Variants in PPME1 observed in about 807,000 individuals in gnomAD.
The protein encoded by PPME1 is testicular secretory protein Li 39.
Under a neutral mutation model 56.9 loss-of-function variants are expected in PPME1, and 17 were observed. The ratio of observed to expected loss-of-function variants is 0.30; its 90% CI spans 0.20 to 0.45. PPME1 has a LOEUF of 0.45. PPME1 is among the 20% of genes least tolerant of loss of function. The probability of loss-of-function intolerance (pLI) is 1.00; values close to 1 mark genes in which losing one functional copy is unlikely to be tolerated. For synonymous variants in PPME1, 122 were observed against 156.2 expected (o/e 0.78, Z 1.63); for missense variants, 357 against 483.2 (o/e 0.74, Z 2.45).
intron 3 of PPME1, among the ~76,000 whole-genome samples, chr11:74,215,364 A>G (rs1183685838): frequency 6.6e-6 from 1 of 152,164 alleles, no homozygotes; most frequent in Non-Finnish European, 1.5e-5. Flanking sequence ...TAGAGACAAC[A>G]AAAATTAAAA....
intron 1 of PPME1, among the ~76,000 whole-genome samples, chr11:74,172,681 A>C (rs567846062): frequency 6.6e-6 from 1 of 152,194 alleles, no homozygotes; most frequent in Non-Finnish European, 1.5e-5. Context: ...AGAGAATTGA[A>C]TAGGCATTTG....
At chr11:74,225,358 TACC>T (rs1159278807) in intron 5 of PPME1, 102 bp downstream of exon 5, 1 of 855,338 alleles carries the variant, frequency 1.2e-6, no homozygotes, top group African/African-American at 1.7e-5. Context: ...GGGGAATAAT[TACC>T]ACAAGGAAAA....
intron 1 of PPME1, among the ~76,000 whole-genome samples, chr11:74,189,724 G>A (rs2135601338): frequency 6.6e-6 from 1 of 152,264 alleles, no homozygotes; most frequent in South Asian, 2.1e-4. Context: ...AGTGTATTCA[G>A]CCAGTCTCCT....
intron 1 of PPME1, among the ~76,000 whole-genome samples, chr11:74,178,307 A>G (rs1857448723): frequency 6.6e-6 from 1 of 152,192 alleles, no homozygotes; most frequent in Admixed American, 6.5e-5. Flanking sequence ...AAGCTCCCCA[A>G]CAGATTTTTC....
intron 3 of PPME1, among the ~76,000 whole-genome samples, chr11:74,219,886 T>C (rs1858752321): frequency 6.6e-6 from 1 of 152,098 alleles, no homozygotes; most frequent in Admixed American, 6.6e-5. Context: ...ACTGTGTATT[T>C]TAAAATAGCT....
chr11:74,235,141 A>C lies in PPME1; in HGVS notation c.645-760A>C, dbSNP rs542332652. Among the ~76,000 whole-genome samples the C allele has an allele frequency of 3.3e-5, 5 of 152,290 alleles. No individual in the cohort carries two copies. The South Asian group carries it at 1.0e-3, about 32-fold the overall frequency. Reference sequence around the variant, plus strand: ...TTTTGAATGATTTTTTAAACTAAGAAATGAGATTTAAAGAAGTGCTTTCTC... The same window carrying C: ...TTTTGAATGATTTTTTAAACTAAGACATGAGATTTAAAGAAGTGCTTTCTC... On this transcript the variant is annotated intron_variant, in intron 7 of 13. Coordinates refer to ENST00000328257, the MANE Select transcript of PPME1 (RefSeq NM_016147.3).
Position 74,201,692 on chromosome 11 carries a change from T to C in PPME1, c.102-2036T>C, listed in dbSNP as rs530390081. 2.6e-5 allele frequency among the ~76,000 whole-genome samples: 4 copies of C among 152,340 alleles called. No homozygotes were observed. In the East Asian group the frequency reaches 7.7e-4, roughly 29 times the overall value. On this transcript the variant is annotated intron_variant, in intron 1 of 13. Transcript: ENST00000328257. ...CATAAAAAGTTTTGTGAGGGTTAAA[T>C]GGAATCACGTCTGTGAAGTATTTGG...
chr11:74,215,857 T>G (rs953561756), intron 3 of PPME1, among the ~76,000 whole-genome samples: 3 of 152,160 alleles, frequency 2.0e-5, no homozygotes, highest in Admixed American at 2.0e-4. Context: ...AGTAGCTATA[T>G]GTATATCAGA....
rs572238146 is a variant in PPME1 at position 74,231,382 on chromosome 11, G to A, written c.644+380G>A. Among the ~76,000 whole-genome samples the A allele has an allele frequency of 4.6e-5, 7 of 152,358 alleles. No individual in the cohort carries two copies. In the South Asian group the frequency reaches 6.2e-4, roughly 14 times the overall value. On this transcript the variant is annotated intron_variant, in intron 7 of 13. Transcript: ENST00000328257. ...CCTCCCAAAGTGTTGGGGTTGTGGC[G>A]TGAGCCACAGTGCCCAGCCACTGTT... is the stretch of plus-strand genomic sequence containing the variant.
At chr11:74,185,316 C>G (rs1472263151) in intron 1 of PPME1, among the ~76,000 whole-genome samples, 1 of 152,068 alleles carries the variant, frequency 6.6e-6, no homozygotes, top group Non-Finnish European at 1.5e-5. Flanking sequence ...GTCTTTTATT[C>G]TAGATCATCA....
chr11:74,226,922 G>A (rs1344832026), intron 5 of PPME1, among the ~76,000 whole-genome samples: 1 of 152,210 alleles, frequency 6.6e-6, no homozygotes, highest in Non-Finnish European at 1.5e-5. Flanking sequence ...CCCTTGGGCT[G>A]AGGGAGTACA....
intron 13 of PPME1, among the ~76,000 whole-genome samples, chr11:74,252,103 CTT>C (rs60650207): frequency 2.7e-4 from 32 of 116,990 alleles, no homozygotes; most frequent in South Asian, 8.2e-4. Flanking sequence ...TGGAGCAGGG[CTT>C]TTTTTTTTTT....
At chr11:74,184,342 T>C (rs925576318) in intron 1 of PPME1, among the ~76,000 whole-genome samples, 9 of 152,198 alleles carry the variant, frequency 5.9e-5, no homozygotes, top group African/African-American at 2.2e-4. Flanking sequence ...TTTTAGCATA[T>C]TATGGATAAG....
At chr11:74,220,580 T>A in intron 3 of PPME1, among the ~76,000 whole-genome samples, 1 of 152,220 alleles carries the variant, frequency 6.6e-6, no homozygotes, top group East Asian at 1.9e-4. Flanking sequence ...TTAATCTCTC[T>A]GTAAAATGCC....
At chr11:74,179,948 A>G (rs1389478995) in intron 1 of PPME1, among the ~76,000 whole-genome samples, 1 of 152,170 alleles carries the variant, frequency 6.6e-6, no homozygotes, top group African/African-American at 2.4e-5. Flanking sequence ...AATTTGTGAC[A>G]ACAAGTGATT....
chr11:74,242,634 G>A (rs927514321), intron 9 of PPME1, among the ~76,000 whole-genome samples: 7 of 151,770 alleles, frequency 4.6e-5, no homozygotes, highest in Non-Finnish European at 8.8e-5. Context: ...TAATCTCAGC[G>A]CTTTGGGAGG....
chr11:74,182,990 C>A (rs1223368425), intron 1 of PPME1, among the ~76,000 whole-genome samples: 1 of 119,866 alleles, frequency 8.3e-6, no homozygotes, highest in Non-Finnish European at 1.9e-5. Flanking sequence ...GACCTTGTCT[C>A]TACCAAAAAA....
chr11:74,208,090 G>A (rs545083647), intron 3 of PPME1, among the ~76,000 whole-genome samples: 27 of 152,256 alleles, frequency 1.8e-4, no homozygotes, highest in Non-Finnish European at 3.5e-4. Context: ...GAAGCGGGCA[G>A]ATCACAAGGT....
intron 1 of PPME1, among the ~76,000 whole-genome samples, chr11:74,176,811 A>G (rs1591010672): frequency 6.8e-6 from 1 of 147,130 alleles, no homozygotes; most frequent in South Asian, 2.2e-4. Flanking sequence ...GCCCACTACA[A>G]CCTCCACTTC....
Sources: gnomAD v4.1 joint callset for allele counts (sites outside exome capture counted in the v4.1 genomes callset) on GRCh38, gnomAD v4.1.1 for gene constraint, MANE v1.5 for transcripts, NCBI Gene and HGNC (gene_info 2026-07-23, HGNC 2026-07-21) for gene names.